Variants in AHCTF1 observed in about 807,000 individuals in gnomAD.
AHCTF1 encodes the protein AT-hook containing transcription factor 1, also known as protein ELYS.
Under a neutral mutation model 248.4 loss-of-function variants are expected in AHCTF1, and 24 were observed. The observed-to-expected ratio is 0.10, with a 90% confidence interval of 0.07 to 0.14. The LOEUF is 0.14. Ranked by LOEUF, AHCTF1 falls within the 10% of genes least tolerant of loss-of-function variation. The pLI, the probability that AHCTF1 is intolerant of heterozygous loss-of-function variation, is 1.00. For missense variants in AHCTF1, 2,206 were observed against 2,636.2 expected (o/e 0.84, Z 3.57); for synonymous variants, 786 against 929.8 (o/e 0.85, Z 2.81).
chr1:246,853,060 G>A, intron 32 of AHCTF1, 31 bp downstream of exon 32: 1 of 1,543,322 alleles, frequency 6.5e-7, no homozygotes, highest in African/African-American at 1.4e-5. Flanking sequence ...CTGAAAGACT[G>A]ATAAAGAAGT....
chr1:246,880,964 T>C (rs776362997), intron 21 of AHCTF1, among the ~76,000 whole-genome samples: 2 of 152,204 alleles, frequency 1.3e-5, no homozygotes, highest in Non-Finnish European at 2.9e-5. Flanking sequence ...ATGGGGGTTC[T>C]TGGCAATACA....
At chr1:246,914,109 TTCATC>T (rs1384501299) in intron 3 of AHCTF1, among the ~76,000 whole-genome samples, 2 of 152,204 alleles carry the variant, frequency 1.3e-5, no homozygotes, top group African/African-American at 4.8e-5. Context: ...ATTTTTCCCC[TTCATC>T]TCATGAGTCA....
intron 12 of AHCTF1, among the ~76,000 whole-genome samples, chr1:246,896,917 T>G (rs1229860307): frequency 1.3e-5 from 2 of 152,140 alleles, no homozygotes; most frequent in African/African-American, 4.8e-5. Context: ...AAACGGAGAC[T>G]CACTGAAGCC....
At chr1:246,920,140 C>G (rs1427733160) in intron 1 of AHCTF1, among the ~76,000 whole-genome samples, 2 of 66,198 alleles carry the variant, frequency 3.0e-5, no homozygotes, top group Non-Finnish European at 5.6e-5. Context: ...CTCTGTCCCC[C>G]GCAAAAAAAA....
chr1:246,849,492 C>T, intron 33 of AHCTF1, 123 bp downstream of exon 33: 5 of 1,227,368 alleles, frequency 4.1e-6, no homozygotes, highest in Non-Finnish European at 5.6e-6. Flanking sequence ...ACTAAAAGAT[C>T]AATTTTGGTT....
Position 246,887,268 on chromosome 1 carries a change from A to G in AHCTF1, c.2415T>C (p.Ser805=), listed in dbSNP as rs973666157. The change falls in exon 20 of 36, where the codon TCT becomes TCC. Residue 805 remains serine, a synonymous_variant. Transcript: ENST00000648844. ...CCTGAATAAGTTTAACTTGGCCCCA[A>G]GAAATGGCAAATACAGTTGGGAAAG... The part of the protein sequence containing the change: ...IESFPTVFAI[S]WGQVKLIQGF... 1.2e-6 allele frequency: 2 copies of G among 1,613,684 alleles called. No homozygotes were observed. Among genetic ancestry groups the G allele is most frequent in the Non-Finnish European group, 1.7e-6 (2 of 1,179,774 alleles).
chr1:246,850,216 C>T lies in AHCTF1; in HGVS notation c.5790G>A (p.Leu1930=). 39 of 1,613,918 alleles carry T rather than the reference C, an allele frequency of 2.4e-5. No individual in the cohort carries two copies. The highest frequency in any genetic ancestry group is 3.2e-5 in the Non-Finnish European group (38 of 1,179,838). The change falls in exon 33 of 36, where the codon CTG becomes CTA. Residue 1930 remains leucine (L), a synonymous_variant. Transcript: ENST00000648844. ...KQDDKSSDKQ[L]RIKHVRRVRG... Reference sequence around the variant, plus strand: ...TGACCCTTCTAACATGTTTAATACGCAGCTGCTTGTCACTGGATTTATCAT... The same window carrying T: ...TGACCCTTCTAACATGTTTAATACGTAGCTGCTTGTCACTGGATTTATCAT...
intron 21 of AHCTF1, among the ~76,000 whole-genome samples, chr1:246,882,327 G>A (rs1216535017): frequency 6.6e-6 from 1 of 152,080 alleles, no homozygotes; most frequent in Non-Finnish European, 1.5e-5. Flanking sequence ...GCAAGTCTTA[G>A]CAAATTTTAA....
In AHCTF1 at chr1:246,877,007, C is replaced by T. The variant is rs1299140810; in HGVS notation, c.2880G>A (p.Gln960=). The change falls in exon 23 of 36, where the codon CAG becomes CAA. Residue 960 remains glutamine (Q), a synonymous_variant. Transcript: ENST00000648844. The stretch of plus-strand genomic sequence containing the variant: ...TCAAGGCAGGCACATAATTGGCACG[C>T]TGCAAATGGTGCACTAAAAGGAATT... ...NHEFLLVHHL[Q]RANYVPALKL... The T allele has an allele frequency of 1.2e-6, 2 of 1,612,078 alleles. No individual in the cohort carries two copies. The highest frequency in any genetic ancestry group is 1.7e-6 in the Non-Finnish European group (2 of 1,179,926).
rs1572345586 is a variant in AHCTF1 at position 246,840,926 on chromosome 1, T to G, written c.6681A>C (p.Pro2227=). 2 of 1,613,156 alleles carry G rather than the reference T, an allele frequency of 1.2e-6. No homozygotes were observed. Among genetic ancestry groups the G allele is most frequent in the South Asian group, 1.1e-5 (1 of 90,894 alleles). Residue 2227 remains proline (P), a synonymous_variant, in exon 36 of 36, where the codon CCA becomes CCC. Coordinates refer to ENST00000648844, the MANE Select transcript of AHCTF1 (RefSeq NM_001323342.2). ...EIRLISPLAS[P]ADGVKSKPRK... Reference sequence around the variant, plus strand: ...TTGGTTTGCTCTTGACTCCGTCAGCTGGGCTAGCCAAGGGGGAAATCAGCC... The same window carrying G: ...TTGGTTTGCTCTTGACTCCGTCAGCGGGGCTAGCCAAGGGGGAAATCAGCC...
rs539499022 is a variant in AHCTF1 at position 246,864,179 on chromosome 1, T to C, written c.3348-63A>G. The C allele has an allele frequency of 5.6e-5, 83 of 1,490,780 alleles. 1 individual carries two copies. The East Asian group carries it at 1.9e-3, about 33-fold the overall frequency. 92.3% of individuals were successfully genotyped at this position (1,490,780 alleles called of 1,614,324 possible). ...AAAACAAAAGAATTTAGTATCCCAT[T>C]TAATCAGACCTCTATATTCACTGGT... On this transcript the variant is annotated intron_variant, in intron 26 of 35. Transcript: ENST00000648844.
intron 4 of AHCTF1, among the ~76,000 whole-genome samples, chr1:246,912,482 CAA>C (rs879277552): frequency 8.6e-6 from 1 of 116,750 alleles, no homozygotes. Context: ...ACGCCGTCTC[CAA>C]AAAAAAAAAA....
intron 24 of AHCTF1, among the ~76,000 whole-genome samples, chr1:246,872,664 G>C (rs1159711715): frequency 6.6e-6 from 1 of 152,122 alleles, no homozygotes; most frequent in African/African-American, 2.4e-5. Context: ...ACTATGCCAG[G>C]AAACTCAAAA....
chr1:246,868,876 G>A lies in AHCTF1; in HGVS notation c.3089-1065C>T, dbSNP rs184231153. ...TTTTTTTTTTTTGAGATGGAGTCTC[G>A]CTCTGTCACCCAGGTTGGAGTGCAG... is the stretch of plus-strand genomic sequence containing the variant. On this transcript the variant is annotated intron_variant, in intron 24 of 35. Coordinates refer to ENST00000648844, the MANE Select transcript of AHCTF1 (RefSeq NM_001323342.2). Among the ~76,000 whole-genome samples the A allele has an allele frequency of 3.7e-3, 528 of 141,132 alleles. 6 individuals carry two copies. Among genetic ancestry groups the A allele is most frequent in the African/African-American group, 0.011 (410 of 36,918 alleles). The allele number at this position is 141,132 out of a possible 152,430, so 92.6% of individuals were successfully genotyped here. A position where few individuals can be genotyped will look rare whatever the true frequency, so the allele number is the denominator to read the frequency against.
intron 4 of AHCTF1, among the ~76,000 whole-genome samples, chr1:246,912,614 CAG>C (rs969478577): frequency 1.3e-5 from 2 of 152,056 alleles, no homozygotes; most frequent in African/African-American, 4.8e-5. Flanking sequence ...CTTCATAAAC[CAG>C]AGACTCACAA....
At chr1:246,847,540 C>T (rs1196000946) in intron 33 of AHCTF1, among the ~76,000 whole-genome samples, 1 of 152,116 alleles carries the variant, frequency 6.6e-6, no homozygotes, top group Non-Finnish European at 1.5e-5. Flanking sequence ...CTCTGTTGCC[C>T]AGGCTGGAGT....
chr1:246,903,465 T>C (rs955267987), intron 7 of AHCTF1, among the ~76,000 whole-genome samples: 4 of 152,128 alleles, frequency 2.6e-5, no homozygotes, highest in Non-Finnish European at 2.9e-5. Context: ...CCTGGGTAAA[T>C]AGGTAAAACA....
At chr1:246,860,821 A>G (rs1184301667) in intron 29 of AHCTF1, 78 bp downstream of exon 29, 2 of 1,530,028 alleles carry the variant, frequency 1.3e-6, no homozygotes, top group Admixed American at 3.9e-5. Context: ...TGCTTTTCTT[A>G]TGGTGGAAAA....
intron 21 of AHCTF1, among the ~76,000 whole-genome samples, chr1:246,880,677 T>C (rs1447631988): frequency 1.3e-5 from 2 of 152,170 alleles, no homozygotes; most frequent in Non-Finnish European, 2.9e-5. Context: ...AAGTATTAAT[T>C]TGATAATAAT....
Sources: allele counts gnomAD v4.1 joint callset (sites outside exome capture counted in the v4.1 genomes callset), GRCh38; gene constraint gnomAD v4.1.1; transcripts MANE v1.5; gene names NCBI Gene and HGNC (gene_info 2026-07-23, HGNC 2026-07-21).